HS6ST3: variants seen among roughly 807,000 people sequenced by gnomAD.
HS6ST3 encodes the protein heparan-sulfate 6-O-sulfotransferase 3.
HS6ST3 carries 12 observed loss-of-function variants against 36.7 expected under a neutral mutation model. The observed-to-expected ratio is 0.33, with a 90% CI of 0.21 to 0.53. HS6ST3 has a LOEUF of 0.53. HS6ST3 is among the 20% of genes least tolerant of loss of function. HS6ST3 has a pLI of 0.95. For missense variants in HS6ST3, 584 were observed against 640.9 expected (o/e 0.91, Z 0.96); for synonymous variants, 240 against 257.5 (o/e 0.93, Z 0.65).
chr13:96,408,698 T>G (rs1594773843), intron 1 of HS6ST3, among the ~76,000 whole-genome samples: 1 of 151,674 alleles, frequency 6.6e-6, no homozygotes, highest in Non-Finnish European at 1.5e-5. Flanking sequence ...CCGAGGCGGG[T>G]GGATCACCTG....
At chr13:96,175,507 A>T (rs77701576) in intron 1 of HS6ST3, among the ~76,000 whole-genome samples, 1,524 of 151,734 alleles carry the variant, frequency 0.01, 27 homozygotes, top group African/African-American at 0.035. Flanking sequence ...TTGTTTTTTT[A>T]AAAAAAATAT....
At chr13:96,509,362 C>T (rs1276331435) in intron 1 of HS6ST3, among the ~76,000 whole-genome samples, 1 of 151,868 alleles carries the variant, frequency 6.6e-6, no homozygotes, top group African/African-American at 2.4e-5. Context: ...AATTAGGTCC[C>T]ATTATTTTTC....
intron 1 of HS6ST3, among the ~76,000 whole-genome samples, chr13:96,245,857 G>T (rs1032449925): frequency 9.2e-5 from 14 of 152,108 alleles, no homozygotes; most frequent in African/African-American, 2.9e-4. Context: ...GCCCCCAAGT[G>T]CCTACCTGTT....
chr13:96,808,978 A>G (rs1334517976), intron 1 of HS6ST3, among the ~76,000 whole-genome samples: 1 of 152,214 alleles, frequency 6.6e-6, no homozygotes, highest in African/African-American at 2.4e-5. Flanking sequence ...AAGAGACAAG[A>G]AGTTTTCCTG....
chr13:96,703,651 G>A (rs998885689), intron 1 of HS6ST3, among the ~76,000 whole-genome samples: 17 of 152,108 alleles, frequency 1.1e-4, no homozygotes, highest in African/African-American at 4.1e-4. Flanking sequence ...TTTCACTGCT[G>A]GGGCATTTTA....
chr13:96,709,792 A>G (rs190154037), intron 1 of HS6ST3, among the ~76,000 whole-genome samples: 2 of 152,236 alleles, frequency 1.3e-5, no homozygotes, highest in Non-Finnish European at 2.9e-5. Flanking sequence ...GCTGACTACA[A>G]CAATGAACAA....
At chr13:96,331,952 C>T (rs773828533) in intron 1 of HS6ST3, among the ~76,000 whole-genome samples, 3 of 152,312 alleles carry the variant, frequency 2.0e-5, no homozygotes, top group East Asian at 1.9e-4. Context: ...TTCCAGGTGC[C>T]GTCAGTCACC....
At chr13:96,420,993 A>G (rs2055559615) in intron 1 of HS6ST3, among the ~76,000 whole-genome samples, 1 of 152,182 alleles carries the variant, frequency 6.6e-6, no homozygotes, top group Admixed American at 6.6e-5. Context: ...TACTCTTATG[A>G]AAATGCAGCC....
At chr13:96,803,907 C>A (rs2138530097) in intron 1 of HS6ST3, among the ~76,000 whole-genome samples, 1 of 152,170 alleles carries the variant, frequency 6.6e-6, no homozygotes, top group Admixed American at 6.5e-5. Flanking sequence ...ATTTCTAACA[C>A]AATTTGTGCT....
rs190080341 is a variant in HS6ST3, at chr13:96,833,390, A to G, written c.*192A>G. 6.9e-6 allele frequency: 4 copies of G among 581,206 alleles called. No individual in the cohort carries two copies. In the African/African-American group the frequency reaches 7.5e-5, roughly 11 times the overall value. 36.0% of individuals were successfully genotyped at this position (581,206 alleles called of 1,614,324 possible). ...CCGTCTTGTTCTTTTTTTTCTTGAC[A>G]TTTTGCAATTGGTGATATTAAGTAG... is the stretch of plus-strand genomic sequence containing the variant. On this transcript the variant is annotated 3_prime_UTR_variant, in exon 2 of 2. Coordinates refer to ENST00000376705, the MANE Select transcript of HS6ST3 (RefSeq NM_153456.4).
At chr13:96,612,451 C>G (rs1287953575) in intron 1 of HS6ST3, among the ~76,000 whole-genome samples, 1 of 152,142 alleles carries the variant, frequency 6.6e-6, no homozygotes, top group African/African-American at 2.4e-5. Flanking sequence ...TTCCCAATTT[C>G]ATGGCTCATA....
chr13:96,737,201 A>C (rs1876305525), intron 1 of HS6ST3, among the ~76,000 whole-genome samples: 1 of 152,346 alleles, frequency 6.6e-6, no homozygotes, highest in African/African-American at 2.4e-5. Flanking sequence ...TGCAGTGGAA[A>C]TTAAAAGAAT....
chr13:96,123,552 CT>C (rs1450624353), intron 1 of HS6ST3, among the ~76,000 whole-genome samples: 1 of 152,112 alleles, frequency 6.6e-6, no homozygotes, highest in Non-Finnish European at 1.5e-5. Flanking sequence ...TTTCCTTTGT[CT>C]TATGTCAACT....
chr13:96,258,621 C>CT (rs1032509188), intron 1 of HS6ST3, among the ~76,000 whole-genome samples: 1 of 152,104 alleles, frequency 6.6e-6, no homozygotes, highest in African/African-American at 2.4e-5. Flanking sequence ...AGGCTCTTTC[C>CT]TTTTACCTGC....
chr13:96,094,169 T>G (rs1320000145), intron 1 of HS6ST3, among the ~76,000 whole-genome samples: 1 of 152,226 alleles, frequency 6.6e-6, no homozygotes, highest in Non-Finnish European at 1.5e-5. Flanking sequence ...AGTCTCAGTT[T>G]CTTCACTTTT....
chr13:96,132,597 G>C (rs2053981628), intron 1 of HS6ST3, among the ~76,000 whole-genome samples: 1 of 151,836 alleles, frequency 6.6e-6, no homozygotes, highest in South Asian at 2.1e-4. Context: ...GTAGAGATGG[G>C]GTCCCACTAT....
intron 1 of HS6ST3, among the ~76,000 whole-genome samples, chr13:96,495,513 G>A (rs1046257669): frequency 2.6e-5 from 4 of 152,154 alleles, no homozygotes; most frequent in Non-Finnish European, 2.9e-5. Context: ...AAATCACTAC[G>A]GAGTAAGTGG....
chr13:96,258,530 A>C (rs533864426), intron 1 of HS6ST3, among the ~76,000 whole-genome samples: 2 of 152,342 alleles, frequency 1.3e-5, no homozygotes, highest in East Asian at 3.9e-4. Context: ...CTTGTCTATG[A>C]AATGGGATTG....
intron 1 of HS6ST3, among the ~76,000 whole-genome samples, chr13:96,478,136 C>A (rs2055873128): frequency 6.6e-6 from 1 of 152,090 alleles, no homozygotes; most frequent in Non-Finnish European, 1.5e-5. Context: ...GTGCCCCAGG[C>A]CTACAACAGT....
Sources: gnomAD v4.1 joint callset for allele counts (sites outside exome capture counted in the v4.1 genomes callset) on GRCh38, gnomAD v4.1.1 for gene constraint, MANE v1.5 for transcripts, NCBI Gene and HGNC (gene_info 2026-07-23, HGNC 2026-07-21) for gene names.